The following DOCK1 variants were observed in gnomAD, a reference collection of about 807,000 sequenced individuals.
The protein encoded by DOCK1 is dedicator of cytokinesis 1.
In DOCK1, 138 loss-of-function variants were observed where a neutral mutation model predicts 262.7. The observed-to-expected ratio is 0.53, with a 90% CI of 0.46 to 0.61. The LOEUF (loss-of-function observed/expected upper bound fraction) is 0.61, where lower values mean the gene tolerates loss of function less well. Among genes scored for constraint, DOCK1 ranks in the 20% least tolerant of loss-of-function variants. The pLI is 0.00. For synonymous variants in DOCK1, 866 were observed against 867.4 expected, an observed-to-expected ratio of 1.00 and a Z score of 0.03; for missense variants, 1,908 against 2,370.7, an observed-to-expected ratio of 0.80 and a Z score of 4.05.
intron 16 of DOCK1, among the ~76,000 whole-genome samples, chr10:127,030,449 C>T (rs1160495292): frequency 2.6e-5 from 4 of 152,206 alleles, no homozygotes; most frequent in East Asian, 3.9e-4. Context: ...AGGGCCTCTG[C>T]GCTAGGTCCC....
At chr10:127,008,857 G>A in intron 11 of DOCK1, 53 bp downstream of exon 11, 1 of 1,401,770 alleles carries the variant, frequency 7.1e-7, no homozygotes, top group Non-Finnish European at 9.8e-7. Context: ...GAAAACATAG[G>A]CTTGTAATAA....
At chr10:127,052,567 T>A in intron 21 of DOCK1, 114 bp from the exon 22 acceptor site, 1 of 1,423,328 alleles carries the variant, frequency 7.0e-7, no homozygotes, top group Non-Finnish European at 9.6e-7. Flanking sequence ...GATATTCATA[T>A]ACTGATAGAT....
intron 27 of DOCK1, among the ~76,000 whole-genome samples, chr10:127,163,312 C>G (rs1163057946): frequency 6.6e-6 from 1 of 152,082 alleles, no homozygotes; most frequent in Non-Finnish European, 1.5e-5. Context: ...ACCTCTCCCT[C>G]CCTCCCTGCT....
At chr10:127,037,598 A>T in intron 18 of DOCK1, 121 bp from the exon 19 acceptor site, 1 of 754,694 alleles carries the variant, frequency 1.3e-6, no homozygotes, top group Non-Finnish European at 2.1e-6. Flanking sequence ...TGAATCTTTT[A>T]AAATAGGGTT....
intron 33 of DOCK1, among the ~76,000 whole-genome samples, chr10:127,372,076 A>AG (rs1221111209): frequency 6.6e-6 from 1 of 152,224 alleles, no homozygotes; most frequent in African/African-American, 2.4e-5. Context: ...ACCATGGAGA[A>AG]GATCAAGAAG....
At chr10:127,314,269 T>C (rs987619188) in intron 29 of DOCK1, among the ~76,000 whole-genome samples, 1 of 152,194 alleles carries the variant, frequency 6.6e-6, no homozygotes, top group African/African-American at 2.4e-5. Flanking sequence ...CAGGAGTGTG[T>C]GTGTGTTTAT....
intron 27 of DOCK1, among the ~76,000 whole-genome samples, chr10:127,241,905 A>G (rs538299900): frequency 3.9e-5 from 6 of 152,236 alleles, no homozygotes; most frequent in African/African-American, 1.4e-4. Context: ...GCATAGGCAG[A>G]CTGGATATAG....
At chr10:127,393,601 C>T (rs576406184) in intron 38 of DOCK1, among the ~76,000 whole-genome samples, 15 of 152,112 alleles carry the variant, frequency 9.9e-5, no homozygotes, top group Admixed American at 5.9e-4. Flanking sequence ...CAGGGAGAGA[C>T]GGGAATCGGG....
At chr10:127,071,969 C>G (rs2046257342) in intron 23 of DOCK1, among the ~76,000 whole-genome samples, 1 of 152,170 alleles carries the variant, frequency 6.6e-6, no homozygotes, top group South Asian at 2.1e-4. Flanking sequence ...GGTGGAAAAT[C>G]TCTCCTTTGG....
Position 126,979,269 on chromosome 10 carries a change from C to T in DOCK1, c.171+1281C>T, listed in dbSNP as rs537514257. 7.9e-5 allele frequency among the ~76,000 whole-genome samples: 12 copies of T among 152,204 alleles called. No individual in the cohort carries two copies. The East Asian group carries it at 2.1e-3, about 27-fold the overall frequency. ...GGCCCAAAGATATGCACCTGTAGGC[C>T]CAGCTACTTGAGAGACTGAAGTGGG... On this transcript the variant is annotated intron_variant, in intron 3 of 51. Coordinates refer to ENST00000623213, the MANE Select transcript of DOCK1 (RefSeq NM_001290223.2).
intron 7 of DOCK1, among the ~76,000 whole-genome samples, chr10:126,997,498 C>CG (rs57755295): frequency 1.8e-4 from 27 of 150,652 alleles, no homozygotes; most frequent in East Asian, 1.6e-3. Context: ...AGAGGGTGTG[C>CG]GGGGGGGTGC....
intron 27 of DOCK1, among the ~76,000 whole-genome samples, chr10:127,190,276 C>T (rs918254710): frequency 3.3e-5 from 5 of 152,186 alleles, no homozygotes; most frequent in Admixed American, 2.6e-4. Flanking sequence ...CACTGCATGG[C>T]CAGACGTCAG....
intron 27 of DOCK1, among the ~76,000 whole-genome samples, chr10:127,158,927 T>C (rs1457599607): frequency 6.6e-6 from 1 of 152,210 alleles, no homozygotes; most frequent in Non-Finnish European, 1.5e-5. Context: ...CTGTTGACCC[T>C]CTAGCCTCCC....
chr10:126,963,574 T>TCCCTC (rs2037391993), intron 1 of DOCK1, among the ~76,000 whole-genome samples: 1 of 112,550 alleles, frequency 8.9e-6, no homozygotes, highest in Admixed American at 9.5e-5. Context: ...CCTCTCCCTC[T>TCCCTC]CCTTCCCTCC....
chr10:126,993,974 T>C (rs1427523815), intron 6 of DOCK1, among the ~76,000 whole-genome samples: 1 of 152,104 alleles, frequency 6.6e-6, no homozygotes, highest in Non-Finnish European at 1.5e-5. Flanking sequence ...CTTTAATTTG[T>C]AACTATAAAG....
At chr10:127,030,160 A>C (rs1165479449) in intron 16 of DOCK1, among the ~76,000 whole-genome samples, 1 of 152,150 alleles carries the variant, frequency 6.6e-6, no homozygotes, top group South Asian at 2.1e-4. Context: ...CCGTGGACTC[A>C]AGGCGGGTGG....
intron 23 of DOCK1, among the ~76,000 whole-genome samples, chr10:127,062,699 T>C (rs1564773317): frequency 6.6e-6 from 1 of 152,262 alleles, no homozygotes; most frequent in Non-Finnish European, 1.5e-5. Context: ...ATTGCTTCTC[T>C]CTTTGCTGTT....
At chr10:127,055,158 G>C (rs1432286185) in intron 22 of DOCK1, among the ~76,000 whole-genome samples, 2 of 152,070 alleles carry the variant, frequency 1.3e-5, no homozygotes, top group Admixed American at 1.3e-4. Flanking sequence ...ACCATATGGG[G>C]TTCACTTTTT....
In DOCK1 at chr10:127,437,122, G is replaced by A. The variant is rs1591057178; in HGVS notation, c.5061-1905G>A. Among the ~76,000 whole-genome samples, 1 of 152,294 alleles carries A rather than the reference G, an allele frequency of 6.6e-6. No homozygotes were observed. Among genetic ancestry groups the A allele is most frequent in the African/African-American group, 2.4e-5 (1 of 41,560 alleles). On this transcript the variant is annotated intron_variant, in intron 48 of 51. Transcript: ENST00000623213. The surrounding 1 kb of genome is among the most constrained non-coding windows in gnomAD (Gnocchi z 4.4). ...TGATCAGATTCAGATTTGATTTAGG[G>A]ACAAGATGACTTCATAGGTACTTGT...
Sources: allele counts gnomAD v4.1 joint callset (sites outside exome capture counted in the v4.1 genomes callset), GRCh38; gene constraint gnomAD v4.1.1; non-coding constraint Gnocchi (gnomAD v3.1); transcripts MANE v1.5; gene names NCBI Gene and HGNC (gene_info 2026-07-23, HGNC 2026-07-21).